The following LOC128092253 variants were observed in gnomAD, a reference collection of about 807,000 sequenced individuals.
At chr6:133,962,540 G>T in the LOC128092253 span, among the ~76,000 whole-genome samples, 1 of 152,206 alleles carries the variant, frequency 6.6e-6, no homozygotes, top group Non-Finnish European at 1.5e-5. Flanking sequence ...CAAGGAGATA[G>T]AGCAAGATTT....
the LOC128092253 span, among the ~76,000 whole-genome samples, chr6:133,953,836 A>G: frequency 6.6e-6 from 1 of 152,154 alleles, no homozygotes; most frequent in Admixed American, 6.5e-5. Flanking sequence ...CAAAGATGCT[A>G]GGGGTCCGTT....
At chr6:133,962,167 A>G in the LOC128092253 span, among the ~76,000 whole-genome samples, 2 of 152,182 alleles carry the variant, frequency 1.3e-5, no homozygotes, top group Admixed American at 6.5e-5. Flanking sequence ...ATTAGGTTAT[A>G]TAAGGAAGAT....
chr6:133,966,599 A>G, the LOC128092253 span, among the ~76,000 whole-genome samples: 1 of 152,230 alleles, frequency 6.6e-6, no homozygotes, highest in South Asian at 2.1e-4. Flanking sequence ...TTCAGTTCAA[A>G]ATGTCCAAAA....
At chr6:133,965,588 T>C in the LOC128092253 span, among the ~76,000 whole-genome samples, 9 of 152,014 alleles carry the variant, frequency 5.9e-5, no homozygotes, top group Non-Finnish European at 1.0e-4. Flanking sequence ...TTTGATGGTT[T>C]TGTTATTGTT....
At chr6:133,965,243 G>A in the LOC128092253 span, among the ~76,000 whole-genome samples, 2 of 152,134 alleles carry the variant, frequency 1.3e-5, no homozygotes, top group Non-Finnish European at 2.9e-5. Flanking sequence ...AAACTTCTCA[G>A]TAAAGAGATG....
At chr6:133,955,066 G>A in the LOC128092253 span, among the ~76,000 whole-genome samples, 16 of 151,982 alleles carry the variant, frequency 1.1e-4, no homozygotes, top group Non-Finnish European at 1.8e-4. Flanking sequence ...ATAGATTAAT[G>A]AATCAAAGAC....
At chr6:133,960,418 C>CCTTT in the LOC128092253 span, among the ~76,000 whole-genome samples, 3 of 131,594 alleles carry the variant, frequency 2.3e-5, no homozygotes, top group Non-Finnish European at 4.9e-5. Context: ...GCTGACCAGC[C>CCTTT]TTTTTTTTTT....
At chr6:133,970,055 G>A in the LOC128092253 span, among the ~76,000 whole-genome samples, 1 of 152,168 alleles carries the variant, frequency 6.6e-6, no homozygotes, top group East Asian at 1.9e-4. Flanking sequence ...ATCTAGCTCT[G>A]CCTTCCCTTT....
the LOC128092253 span, among the ~76,000 whole-genome samples, chr6:133,964,831 C>T: frequency 6.6e-6 from 1 of 152,086 alleles, no homozygotes; most frequent in African/African-American, 2.4e-5. Context: ...TGACATAGAC[C>T]TTAAACAGGT....
the LOC128092253 span, among the ~76,000 whole-genome samples, chr6:133,959,807 C>G: frequency 6.6e-6 from 1 of 152,178 alleles, no homozygotes; most frequent in African/African-American, 2.4e-5. Flanking sequence ...CTATCACACT[C>G]TTTTTCAGGG....
chr6:133,955,487 T>C, the LOC128092253 span, among the ~76,000 whole-genome samples: 4 of 152,224 alleles, frequency 2.6e-5, no homozygotes, highest in Non-Finnish European at 5.9e-5. Context: ...TAATGTGATT[T>C]TATCTGTTGC....
chr6:133,965,322 G>A, the LOC128092253 span, among the ~76,000 whole-genome samples: 2 of 152,190 alleles, frequency 1.3e-5, no homozygotes, highest in East Asian at 3.9e-4. Flanking sequence ...ACCTGCTCAA[G>A]AAAACAAATA....
At chr6:133,966,690 G>C in the LOC128092253 span, among the ~76,000 whole-genome samples, 1 of 152,114 alleles carries the variant, frequency 6.6e-6, no homozygotes, top group Admixed American at 6.5e-5. Context: ...TTAGTAAATA[G>C]TATCTTAGGC....
At chr6:133,974,131 C>T in the LOC128092253 span, among the ~76,000 whole-genome samples, 7 of 151,888 alleles carry the variant, frequency 4.6e-5, no homozygotes, top group Admixed American at 1.3e-4. Flanking sequence ...CATAATTAGA[C>T]ATATAATTTT....
the LOC128092253 span, among the ~76,000 whole-genome samples, chr6:133,966,210 A>G: frequency 6.6e-6 from 1 of 152,166 alleles, no homozygotes; most frequent in African/African-American, 2.4e-5. Flanking sequence ...TGTATGGCGC[A>G]TTGGGAACTA....
chr6:133,973,048 T>C, the LOC128092253 span, among the ~76,000 whole-genome samples: 1 of 152,224 alleles, frequency 6.6e-6, no homozygotes, highest in Admixed American at 6.5e-5. Context: ...AACATCGTTC[T>C]AAAAGGCAAA....
At chr6:133,980,040 C>A in the LOC128092253 span, 1 of 1,304,822 alleles carries the variant, frequency 7.7e-7, no homozygotes, top group South Asian at 2.2e-5. Context: ...AGTGAATTAA[C>A]AACATTTAAG....
At chr6:133,957,709 T>A in the LOC128092253 span, among the ~76,000 whole-genome samples, 1 of 152,232 alleles carries the variant, frequency 6.6e-6, no homozygotes, top group African/African-American at 2.4e-5. Flanking sequence ...ATTAATGGCA[T>A]GGCCTTAAAT....
chr6:133,979,063 A>G, the LOC128092253 span, among the ~76,000 whole-genome samples: 3 of 152,178 alleles, frequency 2.0e-5, no homozygotes, highest in Admixed American at 2.0e-4. Flanking sequence ...TATAAATCAT[A>G]GGAGTCTCGG....
Sources: allele counts gnomAD v4.1 joint callset (sites outside exome capture counted in the v4.1 genomes callset), GRCh38; gene constraint gnomAD v4.1.1; transcripts MANE v1.5.